Variants in FGF14 observed in about 807,000 individuals in gnomAD.
The protein encoded by FGF14 is fibroblast growth factor homologous factor 4.
A neutral mutation model predicts 25.5 loss-of-function variants in FGF14; 5 were observed. The ratio of observed to expected loss-of-function variants is 0.20; its 90% CI spans 0.10 to 0.41. The LOEUF (loss-of-function observed/expected upper bound fraction) is 0.41. Ranked by LOEUF, FGF14 falls within the 10% of genes least tolerant of loss-of-function variation. The probability of loss-of-function intolerance (pLI) is 1.00; values close to 1 mark genes in which losing one functional copy is unlikely to be tolerated. For missense variants in FGF14, 222 were observed against 320.1 expected (o/e 0.69, Z 2.34); for synonymous variants, 138 against 118.3 (o/e 1.17, Z -1.08).
In FGF14 at chr13:101,853,640, G is replaced by A. The variant is rs2043972907; in HGVS notation, c.408+15085C>T. Among the ~76,000 whole-genome samples the A allele has an allele frequency of 2.0e-5, 3 of 151,956 alleles. No homozygotes were observed. The South Asian group carries it at 6.3e-4, about 32-fold the overall frequency. On this transcript the variant is annotated intron_variant, in intron 3 of 4. Coordinates refer to ENST00000376143, the MANE Select transcript of FGF14 (RefSeq NM_004115.4). Reference sequence around the variant, plus strand: ...ATATTTTAAAATTTTATTTTTTGTAGAGACAGGGTCTCACTATATTGCCGA... The same window carrying A: ...ATATTTTAAAATTTTATTTTTTGTAAAGACAGGGTCTCACTATATTGCCGA...
intron 3 of FGF14, among the ~76,000 whole-genome samples, chr13:101,766,610 A>T (rs1210060743): frequency 1.3e-5 from 2 of 152,226 alleles, no homozygotes; most frequent in African/African-American, 2.4e-5. Context: ...ACTGGGCTGA[A>T]GAGTGTCCTC....
intron 3 of FGF14, among the ~76,000 whole-genome samples, chr13:101,769,104 A>C (rs1249247733): frequency 6.6e-6 from 1 of 152,200 alleles, no homozygotes; most frequent in Admixed American, 6.6e-5. Context: ...CTTAAAGCCC[A>C]GTAATAAAAA....
rs537029069 is a variant in FGF14 at position 102,265,285 on chromosome 13, G to A, written c.208+136186C>T. Among the ~76,000 whole-genome samples the A allele has an allele frequency of 1.8e-3, 279 of 152,132 alleles. 2 individuals are homozygous for A. Among genetic ancestry groups the A allele is most frequent in the African/African-American group, 6.2e-3 (259 of 41,500 alleles). ...AACTCTCCATACCCATTTCTGCTTTGCAAATGCTCAGAAACAGAACTGCCA... is the reference window on the plus strand; with the variant it reads ...AACTCTCCATACCCATTTCTGCTTTACAAATGCTCAGAAACAGAACTGCCA... On this transcript the variant is annotated intron_variant, in intron 1 of 4. Coordinates refer to the FGF14 transcript ENST00000376131.
intron 3 of FGF14, among the ~76,000 whole-genome samples, chr13:101,858,988 T>G (rs1164501435): frequency 6.6e-6 from 1 of 152,128 alleles, no homozygotes; most frequent in Non-Finnish European, 1.5e-5. Flanking sequence ...AATGCAGCCG[T>G]TGAACATCTG....
At chr13:102,349,237 C>A (rs143191846) in intron 1 of FGF14, among the ~76,000 whole-genome samples, 315 of 152,302 alleles carry the variant, frequency 2.1e-3, no homozygotes, top group African/African-American at 7.1e-3. Context: ...CACCAAGCAT[C>A]ATCTCTTTGC....
intron 1 of FGF14, among the ~76,000 whole-genome samples, chr13:102,178,798 G>GAT (rs926116286): frequency 2.0e-5 from 3 of 151,928 alleles, no homozygotes; most frequent in Non-Finnish European, 2.9e-5. Flanking sequence ...AAAGTTGTGA[G>GAT]ATATATATAT....
At chr13:101,900,972 A>C (rs9300702) in intron 1 of FGF14, among the ~76,000 whole-genome samples, 52,146 of 152,002 alleles carry the variant, frequency 0.34, 10,075 homozygotes, top group African/African-American at 0.5. Context: ...TACTCTAGGA[A>C]TTTTGTGTAT....
At chr13:101,904,563 T>C (rs2031999563) in intron 1 of FGF14, among the ~76,000 whole-genome samples, 2 of 152,224 alleles carry the variant, frequency 1.3e-5, no homozygotes, top group African/African-American at 4.8e-5. Context: ...TGTAAACGAA[T>C]GTTCCTGGGG....
At chr13:102,081,250 A>C (rs1443037356) in intron 1 of FGF14, among the ~76,000 whole-genome samples, 1 of 152,244 alleles carries the variant, frequency 6.6e-6, no homozygotes, top group Non-Finnish European at 1.5e-5. Context: ...AGTAAAAGAG[A>C]GAATTGCATC....
intron 1 of FGF14, among the ~76,000 whole-genome samples, chr13:102,109,197 T>A (rs1260154212): frequency 6.6e-6 from 1 of 152,088 alleles, no homozygotes; most frequent in Non-Finnish European, 1.5e-5. Flanking sequence ...ATAATTAAAG[T>A]TAAAATCATA....
intron 1 of FGF14, among the ~76,000 whole-genome samples, chr13:102,198,914 C>T (rs879595421): frequency 5.3e-5 from 8 of 152,312 alleles, no homozygotes; most frequent in Admixed American, 1.3e-4. Flanking sequence ...AGTGCTTACT[C>T]CTCACTCTTT....
chr13:102,108,450 G>A (rs755564873), intron 1 of FGF14, among the ~76,000 whole-genome samples: 5 of 152,124 alleles, frequency 3.3e-5, no homozygotes, highest in Non-Finnish European at 5.9e-5. Flanking sequence ...TGTCTCCTAC[G>A]GGGAGACGTG....
At chr13:101,881,951 A>G (rs1369395919) in intron 1 of FGF14, among the ~76,000 whole-genome samples, 2 of 152,176 alleles carry the variant, frequency 1.3e-5, no homozygotes, top group African/African-American at 2.4e-5. Context: ...GCCAGCTGAG[A>G]GAGTACATAT....
intron 3 of FGF14, among the ~76,000 whole-genome samples, chr13:101,865,670 T>G (rs902986639): frequency 2.6e-5 from 4 of 152,070 alleles, no homozygotes; most frequent in Admixed American, 2.6e-4. Flanking sequence ...CTTATTTGGA[T>G]AGCAAAGGAG....
chr13:101,941,949 A>G (rs1244666842), intron 1 of FGF14, among the ~76,000 whole-genome samples: 2 of 152,120 alleles, frequency 1.3e-5, no homozygotes, highest in Non-Finnish European at 2.9e-5. Flanking sequence ...TTGTAAAACT[A>G]TATGTTTTAC....
At chr13:101,941,253 T>C (rs1024740720) in intron 1 of FGF14, among the ~76,000 whole-genome samples, 3 of 152,214 alleles carry the variant, frequency 2.0e-5, no homozygotes, top group African/African-American at 4.8e-5. Flanking sequence ...ACAGCCTTCA[T>C]GTGTAGTGTA....
chr13:101,890,832 A>T (rs2046230712), intron 1 of FGF14, among the ~76,000 whole-genome samples: 1 of 152,136 alleles, frequency 6.6e-6, no homozygotes. Context: ...TTGGGGGTGG[A>T]GGAGGAAAGA....
intron 1 of FGF14, among the ~76,000 whole-genome samples, chr13:101,883,294 C>T (rs1448807347): frequency 6.6e-6 from 1 of 152,118 alleles, no homozygotes; most frequent in Non-Finnish European, 1.5e-5. Context: ...ATAACATCAC[C>T]CTTAATCAAT....
chr13:102,152,020 G>T (rs1350301020), intron 1 of FGF14, among the ~76,000 whole-genome samples: 1 of 152,114 alleles, frequency 6.6e-6, no homozygotes, highest in Non-Finnish European at 1.5e-5. Flanking sequence ...GGCTCACAGG[G>T]TGTTCAAGCC....
Sources: allele counts gnomAD v4.1 joint callset (sites outside exome capture counted in the v4.1 genomes callset), GRCh38; gene constraint gnomAD v4.1.1; transcripts MANE v1.5; gene names NCBI Gene and HGNC (gene_info 2026-07-23, HGNC 2026-07-21).